PCNX2: variants seen among roughly 807,000 people sequenced by gnomAD.
PCNX2 encodes pecanex-like protein 2.
PCNX2 carries 168 observed loss-of-function variants against 223.8 expected under a neutral mutation model. The ratio of observed to expected loss-of-function variants is 0.75; its 90% CI spans 0.66 to 0.85. The LOEUF (loss-of-function observed/expected upper bound fraction) is 0.85. Among genes scored for constraint, PCNX2 ranks in the 40% least tolerant of loss-of-function variants. The pLI is 0.00. For missense variants in PCNX2, 2,507 were observed against 2,675.5 expected (o/e 0.94, Z 1.39); for synonymous variants, 1,006 against 1,052.6 (o/e 0.96, Z 0.86).
intron 21 of PCNX2, among the ~76,000 whole-genome samples, chr1:233,105,301 T>C (rs1045889078): frequency 6.6e-6 from 1 of 152,146 alleles, no homozygotes; most frequent in Non-Finnish European, 1.5e-5. Flanking sequence ...AAAGAAAAAC[T>C]GTATGTTGCT....
chr1:233,051,613 G>A (rs1031208429), intron 25 of PCNX2, among the ~76,000 whole-genome samples: 1 of 152,150 alleles, frequency 6.6e-6, no homozygotes, highest in African/African-American at 2.4e-5. Context: ...CCAAATACCA[G>A]ATGTTCTCAC....
chr1:233,028,036 G>C (rs186407702), intron 25 of PCNX2, among the ~76,000 whole-genome samples: 16 of 152,256 alleles, frequency 1.1e-4, no homozygotes, highest in African/African-American at 3.9e-4. Flanking sequence ...CCAAATATTT[G>C]GGAATTTTTA....
chr1:233,150,076 G>A (rs1677705193), intron 19 of PCNX2, among the ~76,000 whole-genome samples: 1 of 151,980 alleles, frequency 6.6e-6, no homozygotes, highest in South Asian at 2.1e-4. Context: ...CTCTCCAGAG[G>A]GCTGCAGCCA....
intron 1 of PCNX2, among the ~76,000 whole-genome samples, chr1:233,270,345 A>G (rs1660579002): frequency 6.6e-6 from 1 of 152,224 alleles, no homozygotes; most frequent in South Asian, 2.1e-4. Context: ...ATTTTATCAG[A>G]AAATCTGGAA....
chr1:233,155,708 C>CTT (rs1450376141), intron 19 of PCNX2, among the ~76,000 whole-genome samples: 2 of 152,226 alleles, frequency 1.3e-5, no homozygotes, highest in South Asian at 2.1e-4. Context: ...CCAATATTTG[C>CTT]TTTTTGAAAT....
chr1:233,025,143 T>C lies in PCNX2; in HGVS notation c.4605+3A>G. The C allele has an allele frequency of 6.2e-7, 1 of 1,613,966 alleles. No homozygotes were observed. The highest frequency in any genetic ancestry group is 8.5e-7 in the Non-Finnish European group (1 of 1,179,854). The stretch of plus-strand genomic sequence containing the variant: ...CTTAGGTGTTTGGGAAACAGAGCAA[T>C]ACCTTGATGTAGTAGCGGATGAGGA... On this transcript the variant is annotated splice_donor_region_variant and intron_variant, in intron 26 of 33. Coordinates refer to ENST00000258229, the MANE Select transcript of PCNX2 (RefSeq NM_014801.4).
intron 12 of PCNX2, among the ~76,000 whole-genome samples, chr1:233,212,502 G>A (rs1329973774): frequency 6.6e-6 from 1 of 152,196 alleles, no homozygotes; most frequent in African/African-American, 2.4e-5. Context: ...GTCCAACTTC[G>A]TAACTTTCAG....
rs942088932 is a variant in PCNX2 at position 233,179,157 on chromosome 1, G to A, written c.3085C>T (p.His1029Tyr). 2.5e-6 allele frequency: 4 copies of A among 1,613,732 alleles called. No homozygotes were observed. In the African/African-American group the frequency reaches 5.3e-5, roughly 22 times the overall value. The change falls in exon 16 of 34, where the codon CAC becomes TAC. Residue 1029 changes from histidine to tyrosine, a missense_variant. Physicochemically the swap from His to Tyr is moderately conservative, Grantham distance 83. This residue lies in a region of PCNX2 where 1,372 missense variants were observed against 1,509.4 expected (regional missense o/e 0.91). Transcript: ENST00000258229. ...AAGGCCGAAAACAGTGCCGGGATGT[G>A]TTGCATGCTCCACGGTTCCTAAAGA... ...SAVKEPWSMQ[H>Y]IPALFSAFCG...
intron 28 of PCNX2, among the ~76,000 whole-genome samples, chr1:233,010,770 A>G (rs1365419251): frequency 6.6e-6 from 1 of 152,192 alleles, no homozygotes; most frequent in Non-Finnish European, 1.5e-5. Flanking sequence ...ATTTAAAGAC[A>G]ATTTATATAA....
chr1:233,293,907 G>T lies in PCNX2; in HGVS notation c.153+1419C>A, dbSNP rs1471485807. Reference sequence around the variant, plus strand: ...TGACTTTGCTATGCTGTCCCTCTAGGAAAAGAGAAACCACTGGGGCCCATA... The same window carrying T: ...TGACTTTGCTATGCTGTCCCTCTAGTAAAAGAGAAACCACTGGGGCCCATA... On this transcript the variant is annotated intron_variant, in intron 1 of 33. Transcript: ENST00000258229. The T allele has an allele frequency of 4.2e-6, 4 of 954,342 alleles. No individual in the cohort carries two copies. The African/African-American group carries it at 5.3e-5, about 13-fold the overall frequency. The allele number at this position is 954,342 out of a possible 1,614,324, so 59.1% of individuals were successfully genotyped here. A position where few individuals can be genotyped will look rare whatever the true frequency, so the allele number is the denominator to read the frequency against.
chr1:233,140,499 T>C (rs961709585), intron 19 of PCNX2, among the ~76,000 whole-genome samples: 53 of 152,344 alleles, frequency 3.5e-4, no homozygotes, highest in Admixed American at 9.2e-4. Flanking sequence ...CACTAGTGAA[T>C]GACCTTGAAT....
intron 1 of PCNX2, among the ~76,000 whole-genome samples, chr1:233,288,204 T>C (rs568789041): frequency 6.6e-6 from 1 of 152,308 alleles, no homozygotes; most frequent in South Asian, 2.1e-4. Context: ...ACCTAGTAAG[T>C]ATTAGCTTCT....
At chr1:233,273,099 C>G (rs948901476) in intron 1 of PCNX2, among the ~76,000 whole-genome samples, 7 of 150,752 alleles carry the variant, frequency 4.6e-5, no homozygotes, top group African/African-American at 1.5e-4. Flanking sequence ...CACTAAAGAA[C>G]TTACTTATGT....
chr1:233,207,980 A>G (rs1681579125), intron 13 of PCNX2, among the ~76,000 whole-genome samples: 1 of 151,418 alleles, frequency 6.6e-6, no homozygotes, highest in Non-Finnish European at 1.5e-5. Flanking sequence ...TTTGAGAAAG[A>G]GTTTCACTCT....
In PCNX2 at chr1:233,227,119, A is replaced by G. The variant is rs12407725; in HGVS notation, c.2504+107T>C. 1.9e-5 allele frequency: 25 copies of G among 1,304,384 alleles called. No homozygotes were observed. In the Admixed American group the frequency reaches 6.5e-4, roughly 34 times the overall value. 80.8% of individuals were successfully genotyped at this position (1,304,384 alleles called of 1,614,324 possible). A position where few individuals can be genotyped will look rare whatever the true frequency, so the allele number is the denominator to read the frequency against. ...TGGGTTGTCAGCAAAGGAAGCGTACAACTTGAAAATGTGCAAGTGACAATG... is the reference window on the plus strand; with the variant it reads ...TGGGTTGTCAGCAAAGGAAGCGTACGACTTGAAAATGTGCAAGTGACAATG... On this transcript the variant is annotated intron_variant, in intron 10 of 33. Coordinates refer to ENST00000258229, the MANE Select transcript of PCNX2 (RefSeq NM_014801.4).
intron 26 of PCNX2, among the ~76,000 whole-genome samples, chr1:233,022,575 GCACAGTGTGTA>G (rs905252723): frequency 1.3e-5 from 2 of 149,282 alleles, no homozygotes; most frequent in Non-Finnish European, 2.9e-5. Context: ...GGTAGTGTGT[GCACAGTGTGTA>G]CACAAAACAG....
At chr1:232,999,643 G>A (rs1331179552) in intron 30 of PCNX2, 8 of 377,838 alleles carry the variant, frequency 2.1e-5, no homozygotes, top group South Asian at 2.9e-5. Context: ...TAGTAGAGAC[G>A]GGGTTTCTCC....
rs770428480 is a variant in PCNX2, at chr1:233,252,673, G to A, written c.1950C>T (p.Pro650=). The change falls in exon 6 of 34, where the codon CCC becomes CCT. Residue 650 remains proline (P), a synonymous_variant. Coordinates refer to ENST00000258229, the MANE Select transcript of PCNX2 (RefSeq NM_014801.4). ...TGGTCTTGGCAGGCTGAGTGCATGC[G>A]GGGCCGGTGCTAGTATGGTCTTGAC... ...LQSQDHTSTG[P]ACTQPAKTTA... 8 of 1,613,504 alleles carry A rather than the reference G, an allele frequency of 5.0e-6. No individual in the cohort carries two copies. The highest frequency in any genetic ancestry group is 3.3e-5 in the South Asian group (3 of 90,974).
the PCNX2 span, among the ~76,000 whole-genome samples, chr1:233,321,067 T>G: frequency 7.4e-6 from 1 of 134,574 alleles, no homozygotes; most frequent in African/African-American, 2.8e-5. Flanking sequence ...GTCGCCAGGC[T>G]GGATGCAGTG....
Sources: gnomAD v4.1 joint callset for allele counts (sites outside exome capture counted in the v4.1 genomes callset) on GRCh38, gnomAD v4.1.1 for gene constraint, gnomAD v4.1.1 regional missense constraint, MANE v1.5 for transcripts, NCBI Gene and HGNC (gene_info 2026-07-23, HGNC 2026-07-21) for gene names.